MYO1D: variants seen among roughly 807,000 people sequenced by gnomAD.
The protein encoded by MYO1D is unconventional myosin-Id.
MYO1D carries 83 observed loss-of-function variants against 122.0 expected under a neutral mutation model. The observed-to-expected ratio is 0.68, with a 90% CI of 0.57 to 0.82. MYO1D has a LOEUF of 0.82. Ranked by LOEUF, MYO1D falls within the 40% of genes least tolerant of loss-of-function variation. The pLI is 0.00. For synonymous variants in MYO1D, 464 were observed against 446.9 expected (o/e 1.04, Z -0.48); for missense variants, 1,157 against 1,269.5 (o/e 0.91, Z 1.35).
At chr17:32,732,669 T>A (rs1001152366) in intron 14 of MYO1D, among the ~76,000 whole-genome samples, 1 of 152,170 alleles carries the variant, frequency 6.6e-6, no homozygotes, top group African/African-American at 2.4e-5. Context: ...CACCCTCTAT[T>A]TGTATGCATA....
At position 32,876,782 on chromosome 17, in the gene MYO1D, G is replaced by C; in HGVS notation, c.91C>G (p.Leu31Val). The change falls in exon 1 of 22, where the codon CTC becomes GTC. Residue 31 changes from leucine (L) to valine (V), a missense_variant. Physicochemically the swap from Leu to Val is conservative, Grantham distance 32. Transcript: ENST00000318217. ...SMPEFMANLR[L>V]RFEKGRIYTF... ...GCGCGGCCGCTCCGCCCTCACCTGA[G>C]CCTGAGGTTGGCCATGAACTCGGGC... 1 of 1,511,600 alleles carries C rather than the reference G, an allele frequency of 6.6e-7. No homozygotes were observed. The highest frequency in any genetic ancestry group is 1.3e-5 in the South Asian group (1 of 79,880). The allele number at this position is 1,511,600 out of a possible 1,614,324, so 93.6% of individuals were successfully genotyped here. A position where few individuals can be genotyped will look rare whatever the true frequency, so the allele number is the denominator to read the frequency against.
At chr17:32,708,246 T>A (rs1233555887) in intron 16 of MYO1D, among the ~76,000 whole-genome samples, 1 of 152,148 alleles carries the variant, frequency 6.6e-6, no homozygotes, top group African/African-American at 2.4e-5. Flanking sequence ...TGAACTATGA[T>A]CTTCTTTATA....
chr17:32,826,048 TAA>T (rs5819999), intron 1 of MYO1D, among the ~76,000 whole-genome samples: 5,047 of 119,470 alleles, frequency 0.042, 293 homozygotes, highest in African/African-American at 0.14. Flanking sequence ...AACTCCATCT[TAA>T]AAAAAAAAAA....
chr17:32,822,682 C>T (rs1351617057), intron 1 of MYO1D, among the ~76,000 whole-genome samples: 1 of 149,880 alleles, frequency 6.7e-6, no homozygotes, highest in Non-Finnish European at 1.5e-5. Context: ...GGGGTTCCGG[C>T]CCTCGCGCGT....
At chr17:32,720,892 G>A (rs2150991433) in intron 15 of MYO1D, 131 bp downstream of exon 15, 2 of 953,216 alleles carry the variant, frequency 2.1e-6, no homozygotes, top group Non-Finnish European at 2.9e-6. Flanking sequence ...TTTCATATTT[G>A]TAATTTCCTC....
chr17:32,682,435 A>G (rs1367040639), intron 16 of MYO1D, among the ~76,000 whole-genome samples: 3 of 147,642 alleles, frequency 2.0e-5, no homozygotes, highest in Admixed American at 2.0e-4. Flanking sequence ...GAGCTCTTTT[A>G]GGGCAGGCCT....
chr17:32,565,842 T>A (rs376770345), intron 21 of MYO1D, among the ~76,000 whole-genome samples: 205 of 152,254 alleles, frequency 1.3e-3, no homozygotes, highest in South Asian at 0.011. Context: ...TGCCTCAGCC[T>A]CCCAAGTAGC....
chr17:32,800,741 T>C (rs1042361322), intron 1 of MYO1D, among the ~76,000 whole-genome samples: 1 of 152,156 alleles, frequency 6.6e-6, no homozygotes, highest in Non-Finnish European at 1.5e-5. Flanking sequence ...AGGGTCCCAC[T>C]CTGTTGCCCA....
At chr17:32,715,702 T>C (rs1033902038) in intron 15 of MYO1D, among the ~76,000 whole-genome samples, 1 of 152,144 alleles carries the variant, frequency 6.6e-6, no homozygotes, top group African/African-American at 2.4e-5. Context: ...ATATTTTCAA[T>C]TTGTGTGTTA....
chr17:32,628,450 T>G (rs751326885), intron 20 of MYO1D, among the ~76,000 whole-genome samples: 1 of 152,230 alleles, frequency 6.6e-6, no homozygotes, highest in Non-Finnish European at 1.5e-5. Context: ...TTTTTATCTT[T>G]CCTGTGTGAC....
rs574952131 is a variant in MYO1D, at chr17:32,681,236, T to C, written c.2122-21898A>G. Among the ~76,000 whole-genome samples, 533 of 151,998 alleles carry C rather than the reference T, an allele frequency of 3.5e-3. 4 individuals are homozygous for C. The highest frequency in any genetic ancestry group is 0.012 in the African/African-American group (511 of 41,426). ...TTCATTGATTTTTCGAAGGGTTTTT[T>C]ATGTCTCTATTTCCTTCAGTTCTGC... On this transcript the variant is annotated intron_variant, in intron 16 of 21. Coordinates refer to ENST00000318217, the MANE Select transcript of MYO1D (RefSeq NM_015194.3).
At chr17:32,662,755 A>G (rs2088584380) in intron 16 of MYO1D, among the ~76,000 whole-genome samples, 1 of 152,030 alleles carries the variant, frequency 6.6e-6, no homozygotes. Context: ...GGGGATAATA[A>G]TGGTGCTTAC....
chr17:32,807,557 A>G (rs954770147), intron 1 of MYO1D, among the ~76,000 whole-genome samples: 1 of 152,160 alleles, frequency 6.6e-6, no homozygotes, highest in Non-Finnish European at 1.5e-5. Context: ...CAAACATTTC[A>G]TCTGTTCTCC....
intron 21 of MYO1D, among the ~76,000 whole-genome samples, chr17:32,595,968 G>C (rs757764807): frequency 2.6e-5 from 4 of 152,244 alleles, no homozygotes; most frequent in Non-Finnish European, 4.4e-5. Flanking sequence ...CTCTTGGCAG[G>C]TCCAGGATTG....
At position 32,568,872 on chromosome 17, in the gene MYO1D, G is replaced by A. The variant is rs779768769; in HGVS notation, c.2864+36215C>T. On this transcript the variant is annotated intron_variant, in intron 21 of 21. Transcript: ENST00000318217. ...TTGCACCTACTCACTGGAATTACAG[G>A]TCCAGCCTCTATGCTCCTATGCATC... Among the ~76,000 whole-genome samples the A allele has an allele frequency of 1.3e-3, 202 of 152,174 alleles. 1 individual carries two copies. The highest frequency in any genetic ancestry group is 2.4e-3 in the Non-Finnish European group (162 of 68,036).
chr17:32,778,579 G>A lies in MYO1D; in HGVS notation c.305-6C>T, dbSNP rs748204453. 1 of 1,608,432 alleles carries A rather than the reference G, an allele frequency of 6.2e-7. No homozygotes were observed. Among genetic ancestry groups the A allele is most frequent in the Non-Finnish European group, 8.5e-7 (1 of 1,175,040 alleles). On this transcript the variant is annotated splice_region_variant and splice_polypyrimidine_tract_variant and intron_variant, in intron 2 of 21. Coordinates refer to ENST00000318217, the MANE Select transcript of MYO1D (RefSeq NM_015194.3). ...TTTACCAGCTCCACTTTCCCCTGGG[G>A]GGAAAAATTGTTCAGGGCTTAACAT... is the stretch of plus-strand genomic sequence containing the variant.
At chr17:32,504,952 C>T (rs536631927) in intron 21 of MYO1D, 1 of 152,612 alleles carries the variant, frequency 6.6e-6, no homozygotes, top group Admixed American at 6.5e-5. Context: ...TGCCGACAGT[C>T]TCTGAGTTCT....
At chr17:32,559,382 C>T (rs987367536) in intron 21 of MYO1D, among the ~76,000 whole-genome samples, 2 of 152,186 alleles carry the variant, frequency 1.3e-5, no homozygotes, top group Admixed American at 1.3e-4. Context: ...GATGTGTGAG[C>T]AGACCATAAT....
intron 1 of MYO1D, among the ~76,000 whole-genome samples, chr17:32,869,931 TA>T (rs571912811): frequency 1.3e-5 from 2 of 151,392 alleles, no homozygotes; most frequent in African/African-American, 2.4e-5. Context: ...AGACCTCGTC[TA>T]AAAAAAAGAA....
Sources: allele counts gnomAD v4.1 joint callset (sites outside exome capture counted in the v4.1 genomes callset), GRCh38; gene constraint gnomAD v4.1.1; transcripts MANE v1.5; gene names NCBI Gene and HGNC (gene_info 2026-07-23, HGNC 2026-07-21).